The following SVIL variants were observed in gnomAD, a reference collection of about 807,000 sequenced individuals.
The protein encoded by SVIL is archvillin.
A neutral mutation model predicts 240.4 loss-of-function variants in SVIL; 101 were observed. That is an observed-to-expected ratio of 0.42 (90% CI 0.36 to 0.50). The LOEUF is 0.50. SVIL is among the 20% of genes least tolerant of loss of function. The pLI, the probability that SVIL is intolerant of heterozygous loss-of-function variation, is 0.01. For missense variants in SVIL, 2,512 were observed against 2,818.7 expected, an observed-to-expected ratio of 0.89 and a Z score of 2.46; for synonymous variants, 999 against 1,100.0, an observed-to-expected ratio of 0.91 and a Z score of 1.82.
intron 1 of SVIL, among the ~76,000 whole-genome samples, chr10:29,691,187 T>C (rs1338854191): frequency 6.6e-6 from 1 of 152,014 alleles, no homozygotes; most frequent in Non-Finnish European, 1.5e-5. Flanking sequence ...TAATGAACAA[T>C]GTAAAGTATG....
intron 16 of SVIL, among the ~76,000 whole-genome samples, chr10:29,518,595 C>T (rs149887186): frequency 1.3e-3 from 194 of 152,272 alleles, no homozygotes; most frequent in Non-Finnish European, 1.9e-3. Flanking sequence ...GTGGCTCACG[C>T]CTGTAATCCC....
chr10:29,533,240 G>T lies in SVIL; in HGVS notation c.1127C>A (p.Thr376Asn). 6.2e-7 allele frequency: 1 copy of T among 1,614,124 alleles called. No individual in the cohort carries two copies. The highest frequency in any genetic ancestry group is 8.5e-7 in the Non-Finnish European group (1 of 1,180,008). Residue 376 changes from threonine to asparagine, a missense_variant, in exon 8 of 38, where the codon ACC (threonine) becomes AAC (asparagine). By Grantham distance (65) the Thr-to-Asn change is moderately conservative (BLOSUM62 0). This residue lies in a region of SVIL where 1,443 missense variants were observed against 1,486.6 expected (regional missense o/e 0.97). Coordinates refer to ENST00000355867, the MANE Select transcript of SVIL (RefSeq NM_021738.3). ...GYVQPADTGH[T>N]AKLVTPETPE... Reference sequence around the variant, plus strand: ...GGTTTCTGGCGTCACTAGCTTGGCGGTGTGACCGGTATCTGCGGGTTGGAC... The same window carrying T: ...GGTTTCTGGCGTCACTAGCTTGGCGTTGTGACCGGTATCTGCGGGTTGGAC...
In SVIL at chr10:29,735,638, G is replaced by A. The variant is rs988540303; in HGVS notation, c.-400+113C>T. The stretch of plus-strand genomic sequence containing the variant: ...CCCGGCAGGGCCTCCCGCAGCCAGA[G>A]CGAGACTGACCCGCGCCTCCCGCCC... On this transcript the variant is annotated intron_variant, in intron 1 of 35. Coordinates refer to the SVIL transcript ENST00000375400. This position sits in a 1 kb window ranked among gnomAD's most constrained non-coding sequence, Gnocchi z 4.1. 1 of 151,690 alleles carries A rather than the reference G, an allele frequency of 6.6e-6. No homozygotes were observed. The highest frequency in any genetic ancestry group is 2.1e-4 in the South Asian group (1 of 4,826). The allele number at this position is 151,690 out of a possible 1,614,324, so 9.4% of individuals were successfully genotyped here.
chr10:29,633,843 C>A (rs1395068841), intron 1 of SVIL, among the ~76,000 whole-genome samples: 2 of 152,080 alleles, frequency 1.3e-5, no homozygotes, highest in Non-Finnish European at 2.9e-5. Context: ...AAATGCAGTT[C>A]AAACTCTAGA....
chr10:29,664,212 G>T (rs570511606), intron 2 of SVIL, among the ~76,000 whole-genome samples: 1 of 152,288 alleles, frequency 6.6e-6, no homozygotes, highest in South Asian at 2.1e-4. Flanking sequence ...TTAATGGGCA[G>T]AATTCTCAAC....
chr10:29,723,066 A>C (rs1964082544), intron 1 of SVIL, among the ~76,000 whole-genome samples: 1 of 152,232 alleles, frequency 6.6e-6, no homozygotes. Context: ...TGTACATAAA[A>C]GTCCTCCATA....
intron 1 of SVIL, among the ~76,000 whole-genome samples, chr10:29,606,988 C>T (rs1298611449): frequency 6.6e-6 from 1 of 152,164 alleles, no homozygotes; most frequent in Non-Finnish European, 1.5e-5. Context: ...CTCCTGACCT[C>T]AGGTGATCCA....
chr10:29,559,687 C>T (rs1383935785), intron 3 of SVIL, among the ~76,000 whole-genome samples: 1 of 152,088 alleles, frequency 6.6e-6, no homozygotes, highest in Non-Finnish European at 1.5e-5. Flanking sequence ...ATTTTACCTG[C>T]TATGTTGGTC....
At chr10:29,500,218 C>T (rs371217857) in intron 17 of SVIL, among the ~76,000 whole-genome samples, 15 of 125,642 alleles carry the variant, frequency 1.2e-4, no homozygotes, top group Non-Finnish European at 2.3e-4. Context: ...AGGTGGTGGT[C>T]GCGGGCGATA....
chr10:29,696,931 T>C, intron 1 of SVIL, among the ~76,000 whole-genome samples: 1 of 132,708 alleles, frequency 7.5e-6, no homozygotes, highest in Admixed American at 7.6e-5. Flanking sequence ...CAGGAGCCCC[T>C]CTGCCCAGCC....
chr10:29,686,688 A>C (rs572077737), intron 1 of SVIL: 1 of 152,340 alleles, frequency 6.6e-6, no homozygotes. Flanking sequence ...CATAGGATGT[A>C]ATTTCCAAAG....
intron 1 of SVIL, among the ~76,000 whole-genome samples, chr10:29,599,950 T>C (rs193274329): frequency 1.8e-4 from 28 of 152,110 alleles, no homozygotes; most frequent in African/African-American, 6.8e-4. Flanking sequence ...ATCTGGTAAA[T>C]GCATCCCACA....
At position 29,735,229 on chromosome 10, in the gene SVIL, C is replaced by G. The variant is rs1964830265; in HGVS notation, c.-400+522G>C. 6.6e-6 allele frequency among the ~76,000 whole-genome samples: 1 copy of G among 152,064 alleles called. No homozygotes were observed. The highest frequency in any genetic ancestry group is 2.1e-4 in the South Asian group (1 of 4,824). ...CGGGTTCAAACCCGCGCGGGCCCTG[C>G]GGAGGCGCCGGTCTGGGACCCCGGG... On this transcript the variant is annotated intron_variant, in intron 1 of 35. Transcript: ENST00000375400. The surrounding 1 kb of genome is among the most constrained non-coding windows in gnomAD (Gnocchi z 4.1).
At chr10:29,503,440 C>A (rs895958716) in intron 17 of SVIL, among the ~76,000 whole-genome samples, 4 of 152,158 alleles carry the variant, frequency 2.6e-5, no homozygotes, top group Non-Finnish European at 5.9e-5. Flanking sequence ...GACAAACAGT[C>A]CATTTAGACA....
chr10:29,549,687 C>T lies in SVIL; in HGVS notation c.827+910G>A, dbSNP rs529429019. Among the ~76,000 whole-genome samples, 5 of 139,654 alleles carry T rather than the reference C, an allele frequency of 3.6e-5. 1 individual carries two copies. The highest frequency in any genetic ancestry group is 1.1e-4 in the African/African-American group (4 of 37,286). 91.6% of individuals were successfully genotyped at this position (139,654 alleles called of 152,430 possible). On this transcript the variant is annotated intron_variant, in intron 6 of 37. Transcript: ENST00000355867. ...CACATATACACCATGGAATACTATG[C>T]AGCCATAAAAAAGGATGAGTTCATG... is the stretch of plus-strand genomic sequence containing the variant.
chr10:29,467,405 A>C, intron 33 of SVIL: 1 of 182,812 alleles, frequency 5.5e-6, no homozygotes, highest in Non-Finnish European at 1.1e-5. Context: ...GGTCCCCGGG[A>C]GGCCTTGGGA....
intron 29 of SVIL, among the ~76,000 whole-genome samples, chr10:29,477,997 A>C (rs2132339479): frequency 6.6e-6 from 1 of 152,338 alleles, no homozygotes; most frequent in South Asian, 2.1e-4. Context: ...ACTAACAGCT[A>C]AAGTAAGAAA....
At chr10:29,675,638 C>T (rs1182843101) in intron 2 of SVIL, among the ~76,000 whole-genome samples, 2 of 152,130 alleles carry the variant, frequency 1.3e-5, no homozygotes, top group African/African-American at 2.4e-5. Context: ...TCCATCAAAC[C>T]GTGTTACATC....
intron 6 of SVIL, among the ~76,000 whole-genome samples, chr10:29,541,683 G>A (rs1206917833): frequency 6.6e-6 from 1 of 150,642 alleles, no homozygotes; most frequent in Non-Finnish European, 1.5e-5. Flanking sequence ...TCTGAGGAAG[G>A]TGCGAGGCTG....
Sources: gnomAD v4.1 joint callset for allele counts (sites outside exome capture counted in the v4.1 genomes callset) on GRCh38, gnomAD v4.1.1 for gene constraint, gnomAD v4.1.1 regional missense constraint, Gnocchi (gnomAD v3.1) non-coding constraint, MANE v1.5 for transcripts, NCBI Gene and HGNC (gene_info 2026-07-23, HGNC 2026-07-21) for gene names.